Variants in PLXNC1 observed in about 807,000 individuals in gnomAD.
The protein encoded by PLXNC1 is plexin-C1.
Under a neutral mutation model 178.2 loss-of-function variants are expected in PLXNC1, and 75 were observed. The observed-to-expected ratio is 0.42, with a 90% CI of 0.35 to 0.51. The LOEUF (loss-of-function observed/expected upper bound fraction) is 0.51. PLXNC1 is among the 20% of genes least tolerant of loss of function. The pLI is 0.02. For synonymous variants in PLXNC1, 790 were observed against 779.9 expected (o/e 1.01, Z -0.22); for missense variants, 1,503 against 1,984.4 (o/e 0.76, Z 4.61).
intron 1 of PLXNC1, among the ~76,000 whole-genome samples, chr12:94,163,007 A>G (rs1961447401): frequency 6.6e-6 from 1 of 152,196 alleles, no homozygotes; most frequent in Admixed American, 6.5e-5. Flanking sequence ...ATGAGGAGCC[A>G]TCCCATGTAG....
At chr12:94,197,197 T>C (rs907553012) in intron 4 of PLXNC1, among the ~76,000 whole-genome samples, 6 of 152,176 alleles carry the variant, frequency 3.9e-5, no homozygotes, top group African/African-American at 1.4e-4. Flanking sequence ...TACTCACATC[T>C]GCAGAGTCCC....
Position 94,209,713 on chromosome 12 carries a change from A to G in PLXNC1, c.1554+9A>G. ...GAAGCAGTAAAGAAAAGGTAAGAGG[A>G]AAGATTTTAATTTGTCCTCGTTGTA... On this transcript the variant is annotated intron_variant, in intron 5 of 30. Coordinates refer to ENST00000258526, the MANE Select transcript of PLXNC1 (RefSeq NM_005761.3). 5 of 1,508,068 alleles carry G rather than the reference A, an allele frequency of 3.3e-6. No homozygotes were observed. The highest frequency in any genetic ancestry group is 4.6e-6 in the Non-Finnish European group (5 of 1,084,328). The allele number at this position is 1,508,068 out of a possible 1,614,324, so 93.4% of individuals were successfully genotyped here. A position where few individuals can be genotyped will look rare whatever the true frequency, so the allele number is the denominator to read the frequency against.
intron 15 of PLXNC1, among the ~76,000 whole-genome samples, chr12:94,252,023 T>G (rs1471672723): frequency 2.0e-5 from 3 of 152,176 alleles, no homozygotes; most frequent in African/African-American, 7.2e-5. Flanking sequence ...CAAAATTTTT[T>G]TTTAAAGGAT....
At chr12:94,283,063 T>C (rs894505225) in intron 23 of PLXNC1, among the ~76,000 whole-genome samples, 2 of 152,166 alleles carry the variant, frequency 1.3e-5, no homozygotes, top group Admixed American at 1.3e-4. Context: ...CTTTGTTGAA[T>C]ATCCACTCTG....
intron 21 of PLXNC1, among the ~76,000 whole-genome samples, chr12:94,269,448 T>C (rs1418547026): frequency 6.6e-6 from 1 of 152,230 alleles, no homozygotes; most frequent in African/African-American, 2.4e-5. Flanking sequence ...TAATAAAATA[T>C]CTCATATACA....
At chr12:94,197,187 TACTC>T (rs553536596) in intron 4 of PLXNC1, among the ~76,000 whole-genome samples, 7 of 152,338 alleles carry the variant, frequency 4.6e-5, no homozygotes, top group African/African-American at 1.7e-4. Flanking sequence ...ATCCTCCACT[TACTC>T]ACATCTGCAG....
chr12:94,301,632 A>G (rs367909814), intron 28 of PLXNC1, among the ~76,000 whole-genome samples: 4 of 152,310 alleles, frequency 2.6e-5, no homozygotes, highest in East Asian at 1.9e-4. Context: ...GCTCCAAAAT[A>G]TACTAAACTG....
At chr12:94,201,892 G>A (rs1421927821) in intron 4 of PLXNC1, among the ~76,000 whole-genome samples, 9 of 150,680 alleles carry the variant, frequency 6.0e-5, no homozygotes, top group Non-Finnish European at 8.9e-5. Flanking sequence ...TCAGCTTCCC[G>A]AGTAGCTGGG....
chr12:94,300,060 CA>C (rs1968316240), intron 27 of PLXNC1, among the ~76,000 whole-genome samples: 1 of 152,176 alleles, frequency 6.6e-6, no homozygotes, highest in African/African-American at 2.4e-5. Context: ...GACTTTGAAC[CA>C]GTCCCAAGTT....
Position 94,176,943 on chromosome 12 carries a change from G to C in PLXNC1, c.1204-4503G>C, listed in dbSNP as rs555222416. 8.1e-4 allele frequency among the ~76,000 whole-genome samples: 123 copies of C among 150,976 alleles called. 1 individual carries two copies. The South Asian group carries it at 0.016, about 20-fold the overall frequency. On this transcript the variant is annotated intron_variant, in intron 2 of 30. Transcript: ENST00000258526. ...TTTTATAGCTAAATAGTATTTCCTT[G>C]TTTGTACTATAGTTTACTTAACCAG...
chr12:94,209,682 T>C lies in PLXNC1; in HGVS notation c.1532T>C (p.Ile511Thr). 6.2e-7 allele frequency: 1 copy of C among 1,607,846 alleles called. No homozygotes were observed. The highest frequency in any genetic ancestry group is 8.5e-7 in the Non-Finnish European group (1 of 1,174,236). ...GCAAAAAAGTGCCCTAAAATTCAGA[T>C]AATTCGAAGCAGTAAAGAAAAGGTA... The part of the protein sequence containing the change: ...SGAKKCPKIQ[I>T]IRSSKEKTTV... Residue 511 changes from isoleucine (I) to threonine (T), a missense_variant, in exon 5 of 31, where the codon ATA becomes ACA. By Grantham distance (89) the Ile-to-Thr change is moderately conservative. Around this residue, in one of 4 missense-constraint regions of PLXNC1, gnomAD observed 615 missense variants for 698.6 expected, o/e 0.88. Coordinates refer to ENST00000258526, the MANE Select transcript of PLXNC1 (RefSeq NM_005761.3).
At chr12:94,216,952 A>G (rs1234188936) in intron 5 of PLXNC1, among the ~76,000 whole-genome samples, 1 of 152,146 alleles carries the variant, frequency 6.6e-6, no homozygotes, top group Non-Finnish European at 1.5e-5. Context: ...CTTAGGACGA[A>G]GCTTCAGCTT....
In PLXNC1 at chr12:94,305,199, A is replaced by C; in HGVS notation, c.4621A>C (p.Arg1541=). Residue 1541 remains arginine, a synonymous_variant, in exon 31 of 31, where the codon AGA becomes CGA. Coordinates refer to ENST00000258526, the MANE Select transcript of PLXNC1 (RefSeq NM_005761.3). ...YFDEILNKLE[R]ERGLEEAQKQ... is the part of the protein sequence containing the mutation. The stretch of plus-strand genomic sequence containing the variant: ...TCAACAGATTCTAAATAAACTAGAA[A>C]GAGAACGAGGGCTGGAAGAAGCTCA... 6.2e-7 allele frequency: 1 copy of C among 1,607,624 alleles called. No homozygotes were observed. Among genetic ancestry groups the C allele is most frequent in the Non-Finnish European group, 8.5e-7 (1 of 1,175,150 alleles).
At chr12:94,188,796 A>G (rs1592747484) in intron 4 of PLXNC1, among the ~76,000 whole-genome samples, 1 of 152,364 alleles carries the variant, frequency 6.6e-6, no homozygotes, top group Non-Finnish European at 1.5e-5. Flanking sequence ...GGCCAGCCTC[A>G]GACAGGAGCA....
In PLXNC1 at chr12:94,186,478, C is replaced by T; in HGVS notation, c.1439+5C>T. ...TTGGTGCCATTCGCTACAAAGGTAT[C>T]TCCTGAATTCTTTCTCACCAACTCG... On this transcript the variant is annotated splice_donor_5th_base_variant and intron_variant, in intron 4 of 30. Coordinates refer to ENST00000258526, the MANE Select transcript of PLXNC1 (RefSeq NM_005761.3). 6.3e-7 allele frequency: 1 copy of T among 1,589,032 alleles called. No homozygotes were observed. The highest frequency in any genetic ancestry group is 1.1e-5 in the South Asian group (1 of 90,536).
At chr12:94,195,227 A>T (rs1358881165) in intron 4 of PLXNC1, among the ~76,000 whole-genome samples, 1 of 152,166 alleles carries the variant, frequency 6.6e-6, no homozygotes, top group African/African-American at 2.4e-5. Flanking sequence ...AGTGTGGAAG[A>T]TGAACCACGT....
At position 94,149,183 on chromosome 12, in the gene PLXNC1, G is replaced by A. The variant is rs771924052; in HGVS notation, c.212G>A (p.Ser71Asn). 3 of 1,590,112 alleles carry A rather than the reference G, an allele frequency of 1.9e-6. No individual in the cohort carries two copies. The East Asian group carries it at 7.1e-5, about 38-fold the overall frequency. The change falls in exon 1 of 31, where the codon AGC (serine) becomes AAC (asparagine). Residue 71 changes from serine to asparagine, a missense_variant. Coordinates refer to ENST00000258526, the MANE Select transcript of PLXNC1 (RefSeq NM_005761.3). ...SGSCLDQLDY[S>N]LEHSLSRLYR... ...AGCTGCCTGGACCAGCTGGACTACA[G>A]CCTGGAGCACAGCCTCTCGCGCCTG... is the stretch of plus-strand genomic sequence containing the variant.
At chr12:94,217,375 C>T (rs756736307) in intron 5 of PLXNC1, among the ~76,000 whole-genome samples, 7 of 152,208 alleles carry the variant, frequency 4.6e-5, no homozygotes, top group Non-Finnish European at 1.0e-4. Flanking sequence ...TCTTACTCTA[C>T]ATTTCGTCTG....
At chr12:94,235,778 C>T (rs957127823) in intron 9 of PLXNC1, among the ~76,000 whole-genome samples, 20 of 152,132 alleles carry the variant, frequency 1.3e-4, no homozygotes, top group Non-Finnish European at 5.9e-5. Flanking sequence ...TTTTATATGT[C>T]ATGAAATATT....
Sources: gnomAD v4.1 joint callset for allele counts (sites outside exome capture counted in the v4.1 genomes callset) on GRCh38, gnomAD v4.1.1 for gene constraint, gnomAD v4.1.1 regional missense constraint, MANE v1.5 for transcripts, NCBI Gene and HGNC (gene_info 2026-07-23, HGNC 2026-07-21) for gene names.